NCALD: variants seen among roughly 807,000 people sequenced by gnomAD.
NCALD encodes the protein neurocalcin delta.
In NCALD, 10 loss-of-function variants were observed where a neutral mutation model predicts 18.6. The ratio of observed to expected loss-of-function variants is 0.54; its 90% confidence interval spans 0.33 to 0.91. The LOEUF is 0.91. NCALD is among the 40% of genes least tolerant of loss of function. NCALD has a pLI of 0.03. For synonymous variants in NCALD, 88 were observed against 87.4 expected (o/e 1.01, Z -0.04); for missense variants, 184 against 247.6 (o/e 0.74, Z 1.72).
chr8:101,717,727 G>A (rs112538130), intron 2 of NCALD, among the ~76,000 whole-genome samples: 4 of 152,204 alleles, frequency 2.6e-5, no homozygotes, highest in East Asian at 1.9e-4. Context: ...AGCTTCCTGC[G>A]GCAGTGACAA....
intron 1 of NCALD, among the ~76,000 whole-genome samples, chr8:101,724,405 T>C (rs535177986): frequency 1.3e-5 from 2 of 152,340 alleles, no homozygotes; most frequent in African/African-American, 4.8e-5. Flanking sequence ...GGATGAACAC[T>C]GGAAAAACAC....
At chr8:101,842,860 T>G (rs971989188) in intron 4 of NCALD, among the ~76,000 whole-genome samples, 1 of 151,734 alleles carries the variant, frequency 6.6e-6, no homozygotes, top group African/African-American at 2.4e-5. Flanking sequence ...CCATCAACCA[T>G]GTGTATCCCA....
At chr8:101,728,655 C>CTTTTT (rs1816679973) in intron 1 of NCALD, among the ~76,000 whole-genome samples, 1 of 152,142 alleles carries the variant, frequency 6.6e-6, no homozygotes, top group South Asian at 2.1e-4. Flanking sequence ...CCCATCTCTA[C>CTTTTT]TAAAAATACA....
chr8:101,846,718 T>G (rs1814882432), intron 4 of NCALD, among the ~76,000 whole-genome samples: 1 of 152,182 alleles, frequency 6.6e-6, no homozygotes. Flanking sequence ...AGCATTAAAA[T>G]CCTCCTGTAG....
At chr8:101,692,298 G>C in intron 3 of NCALD, 1 of 985,394 alleles carries the variant, frequency 1.0e-6, no homozygotes, top group Non-Finnish European at 1.2e-6. Flanking sequence ...AGTGACTATG[G>C]GAGCCCACTG....
intron 1 of NCALD, among the ~76,000 whole-genome samples, chr8:102,074,107 C>T (rs1307606586): frequency 6.6e-6 from 1 of 152,172 alleles, no homozygotes; most frequent in Non-Finnish European, 1.5e-5. Context: ...ACTGACGGTA[C>T]AAGGCGAGAA....
intron 4 of NCALD, among the ~76,000 whole-genome samples, chr8:101,872,955 T>C (rs1211449816): frequency 6.6e-6 from 1 of 152,176 alleles, no homozygotes; most frequent in Non-Finnish European, 1.5e-5. Flanking sequence ...GAGGAGGAAA[T>C]GAGGATCTCT....
chr8:102,027,984 T>A (rs1033217129), intron 1 of NCALD, among the ~76,000 whole-genome samples: 1 of 152,222 alleles, frequency 6.6e-6, no homozygotes, highest in Non-Finnish European at 1.5e-5. Context: ...AAAGGGATTA[T>A]GGGAACTGTA....
At chr8:101,844,479 T>C (rs1314139731) in intron 4 of NCALD, among the ~76,000 whole-genome samples, 1 of 152,008 alleles carries the variant, frequency 6.6e-6, no homozygotes, top group Non-Finnish European at 1.5e-5. Flanking sequence ...TGCCTCATTT[T>C]CCCCTGAGTA....
chr8:101,688,483 A>C lies in NCALD; in HGVS notation c.*826T>G. Reference sequence around the variant, plus strand: ...AAGCTACTAAAAACAGTCTTCTGGAATAAGATTGTATTAGTGCTCACTAAA... The same window carrying C: ...AAGCTACTAAAAACAGTCTTCTGGACTAAGATTGTATTAGTGCTCACTAAA... On this transcript the variant is annotated 3_prime_UTR_variant, in exon 4 of 4. Coordinates refer to ENST00000220931, the MANE Select transcript of NCALD (RefSeq NM_032041.3). The C allele has an allele frequency of 3.1e-6, 1 of 321,730 alleles. No individual in the cohort carries two copies. The highest frequency in any genetic ancestry group is 2.7e-5 in the South Asian group (1 of 37,034). 19.9% of individuals were successfully genotyped at this position (321,730 alleles called of 1,614,324 possible).
intron 3 of NCALD, among the ~76,000 whole-genome samples, chr8:101,914,860 C>G (rs1019890758): frequency 2.0e-5 from 3 of 152,172 alleles, no homozygotes; most frequent in African/African-American, 7.2e-5. Context: ...TCCAAGGAAC[C>G]CTGGTTCATT....
chr8:101,895,077 C>T lies in NCALD; in HGVS notation c.-106-7850G>A, dbSNP rs183878294. On this transcript the variant is annotated intron_variant, in intron 3 of 6. Coordinates refer to the NCALD transcript ENST00000311028. ...CACAACCAAAAAAGAGAATTTTATA[C>T]CAATATCCTTGATGAACATTGATGC... Among the ~76,000 whole-genome samples, 3 of 148,142 alleles carry T rather than the reference C, an allele frequency of 2.0e-5. No individual in the cohort carries two copies. The South Asian group carries it at 6.3e-4, about 31-fold the overall frequency.
intron 1 of NCALD, among the ~76,000 whole-genome samples, chr8:102,047,672 G>A (rs995738573): frequency 1.3e-5 from 2 of 152,224 alleles, no homozygotes; most frequent in African/African-American, 4.8e-5. Flanking sequence ...CGTTTATTGA[G>A]CATTTATCCG....
chr8:101,816,130 A>T (rs1813485758), intron 4 of NCALD, among the ~76,000 whole-genome samples: 1 of 152,176 alleles, frequency 6.6e-6, no homozygotes, highest in Admixed American at 6.6e-5. Flanking sequence ...TGGTTTCCAG[A>T]GGGTCAGAGG....
rs113782813 is a variant in NCALD at position 101,812,441 on chromosome 8, G to T, written c.-20+74700C>A. Among the ~76,000 whole-genome samples the T allele has an allele frequency of 5.7e-3, 870 of 152,186 alleles. 11 individuals carry two copies. Among genetic ancestry groups the T allele is most frequent in the African/African-American group, 0.018 (764 of 41,532 alleles). ...GAGAAGTGAGAGCCCAGACAGTCTG[G>T]ATCCACTTTGTGTCATGGCTGGGAA... On this transcript the variant is annotated intron_variant, in intron 4 of 6. Transcript: ENST00000311028.
chr8:101,997,763 A>G (rs1469667632), intron 2 of NCALD, among the ~76,000 whole-genome samples: 1 of 152,220 alleles, frequency 6.6e-6, no homozygotes, highest in Non-Finnish European at 1.5e-5. Flanking sequence ...GTTTGGTTAA[A>G]GTTGCCAAGA....
chr8:101,924,174 G>A (rs1343170851), intron 2 of NCALD, among the ~76,000 whole-genome samples: 1 of 152,082 alleles, frequency 6.6e-6, no homozygotes, highest in Non-Finnish European at 1.5e-5. Flanking sequence ...AGAACATTTA[G>A]ATAAAAATGG....
At chr8:102,038,154 C>A (rs1051963540) in intron 1 of NCALD, among the ~76,000 whole-genome samples, 1 of 152,066 alleles carries the variant, frequency 6.6e-6, no homozygotes, top group African/African-American at 2.4e-5. Context: ...CCTTACTATA[C>A]CAAATTGACC....
intron 4 of NCALD, among the ~76,000 whole-genome samples, chr8:101,838,449 C>T (rs558270173): frequency 1.3e-5 from 2 of 152,190 alleles, no homozygotes; most frequent in South Asian, 2.1e-4. Context: ...CTCTATCTCT[C>T]GACCTCGTGA....
Sources: gnomAD v4.1 joint callset for allele counts (sites outside exome capture counted in the v4.1 genomes callset) on GRCh38, gnomAD v4.1.1 for gene constraint, MANE v1.5 for transcripts, NCBI Gene and HGNC (gene_info 2026-07-23, HGNC 2026-07-21) for gene names.